Variants in RCHY1 observed in about 807,000 individuals in gnomAD.
The protein encoded by RCHY1 is ring finger and CHY zinc finger domain containing 1, also known as RING finger and CHY zinc finger domain-containing protein 1.
In RCHY1, 21 loss-of-function variants were observed where a neutral mutation model predicts 41.6. That is an observed-to-expected ratio of 0.51 (90% CI 0.36 to 0.73). The LOEUF is 0.73. RCHY1 is among the 30% of genes least tolerant of loss of function. The probability of loss-of-function intolerance (pLI) is 0.00; values close to 1 mark genes in which losing one functional copy is unlikely to be tolerated. For missense variants in RCHY1, 265 were observed against 325.3 expected (o/e 0.81, Z 1.43); for synonymous variants, 79 against 102.9 (o/e 0.77, Z 1.41).
At chr4:75,495,398 A>G (rs1723104882) in intron 3 of RCHY1, among the ~76,000 whole-genome samples, 1 of 152,114 alleles carries the variant, frequency 6.6e-6, no homozygotes, top group South Asian at 2.1e-4. Context: ...CTAAATTTCT[A>G]TTCTCCACTT....
At chr4:75,491,459 T>G in intron 7 of RCHY1, 152 bp downstream of exon 7, 1 of 632,746 alleles carries the variant, frequency 1.6e-6, no homozygotes, top group South Asian at 2.3e-5. Context: ...CACTTTGTCC[T>G]GTTTTAACAA....
At chr4:75,503,712 A>T in intron 3 of RCHY1, among the ~76,000 whole-genome samples, 1 of 152,254 alleles carries the variant, frequency 6.6e-6, no homozygotes, top group East Asian at 1.9e-4. Context: ...TAATTAAAAA[A>T]AAAAAGAAAA....
At chr4:75,486,840 G>A (rs1385161798) in intron 8 of RCHY1, among the ~76,000 whole-genome samples, 31 of 152,092 alleles carry the variant, frequency 2.0e-4, no homozygotes, top group East Asian at 5.8e-4. Context: ...TTAGCCAGGC[G>A]TAGTGGTGTG....
intron 8 of RCHY1, among the ~76,000 whole-genome samples, chr4:75,490,113 C>T (rs1392239542): frequency 6.6e-6 from 1 of 152,032 alleles, no homozygotes; most frequent in Non-Finnish European, 1.5e-5. Context: ...AAAAAGGGGT[C>T]TCCTGTGTGC....
rs758036503 is a variant in RCHY1, at chr4:75,491,878, T to G, written c.450+11A>C. The stretch of plus-strand genomic sequence containing the variant: ...CTGAGACTTCCAAAGTAAAAAATAT[T>G]TTAAGCCTACCTCCAAACATATTGG... On this transcript the variant is annotated intron_variant, in intron 5 of 8. Coordinates refer to ENST00000324439, the MANE Select transcript of RCHY1 (RefSeq NM_015436.4). The G allele has an allele frequency of 5.3e-5, 85 of 1,609,036 alleles. No individual in the cohort carries two copies. The highest frequency in any genetic ancestry group is 7.0e-5 in the Non-Finnish European group (82 of 1,177,920).
At chr4:75,488,261 CTTGTCAATCATGTCTT>C (rs141535565) in intron 8 of RCHY1, among the ~76,000 whole-genome samples, 12,019 of 152,006 alleles carry the variant, frequency 0.079, 661 homozygotes, top group South Asian at 0.15. Flanking sequence ...ACCAAATTTC[CTTGTCAATCATGTCTT>C]TAACTATAAC....
chr4:75,493,065 T>C (rs1209856698), intron 4 of RCHY1, among the ~76,000 whole-genome samples: 3 of 151,958 alleles, frequency 2.0e-5, no homozygotes, highest in Admixed American at 6.6e-5. Context: ...ACACATGCTT[T>C]GGAAACCAGA....
At chr4:75,509,091 C>A in intron 2 of RCHY1, 86 bp downstream of exon 2, 1 of 1,356,132 alleles carries the variant, frequency 7.4e-7, no homozygotes, top group Non-Finnish European at 1.0e-6. Flanking sequence ...TTAAAGAAAT[C>A]TTATTTATGA....
intron 1 of RCHY1, 152 bp downstream of exon 1, chr4:75,514,045 G>T: frequency 2.4e-6 from 3 of 1,237,810 alleles, no homozygotes; most frequent in Non-Finnish European, 3.3e-6. Flanking sequence ...TGCCAAAAAC[G>T]TTCTCCTCAA....
intron 1 of RCHY1, 140 bp downstream of exon 1, chr4:75,514,057 A>G (rs1334735243): frequency 7.4e-7 from 1 of 1,352,778 alleles, no homozygotes; most frequent in East Asian, 2.4e-5. Flanking sequence ...TCTCCTCAAG[A>G]AGAACCCAGT....
At chr4:75,490,853 C>G in intron 7 of RCHY1, 152 bp from the exon 8 acceptor site, 1 of 555,638 alleles carries the variant, frequency 1.8e-6, no homozygotes, top group Non-Finnish European at 3.1e-6. Context: ...TGGGAACTTT[C>G]ACACTATAAA....
chr4:75,513,737 A>G (rs1475054631), intron 1 of RCHY1, among the ~76,000 whole-genome samples: 1 of 152,204 alleles, frequency 6.6e-6, no homozygotes, highest in Non-Finnish European at 1.5e-5. Context: ...GTTTTCTCCT[A>G]CGTCTGAACA....
intron 8 of RCHY1, among the ~76,000 whole-genome samples, chr4:75,483,321 T>C (rs1356145944): frequency 2.6e-5 from 4 of 152,204 alleles, no homozygotes; most frequent in Admixed American, 6.5e-5. Context: ...AGTTTTTGAA[T>C]AGTCACACTA....
In RCHY1 at chr4:75,487,546, ATATT is replaced by A. The variant is rs1449197083; in HGVS notation, c.657+3031_657+3034del. The stretch of plus-strand genomic sequence containing the variant: ...TATTCATAATATATTCATAATATAT[ATATT>A]CATAATATATTCATAATATATATAT... On this transcript the variant is annotated intron_variant, in intron 8 of 8. Coordinates refer to ENST00000324439, the MANE Select transcript of RCHY1 (RefSeq NM_015436.4). Among the ~76,000 whole-genome samples the A allele has an allele frequency of 2.0e-4, 22 of 110,222 alleles. 1 individual carries two copies. The highest frequency in any genetic ancestry group is 3.2e-4 in the Non-Finnish European group (18 of 56,006). The allele number at this position is 110,222 out of a possible 152,430, so 72.3% of individuals were successfully genotyped here. A position where few individuals can be genotyped will look rare whatever the true frequency, so the allele number is the denominator to read the frequency against.
chr4:75,509,101 A>G (rs1451464290), intron 2 of RCHY1, 76 bp downstream of exon 2: 1 of 1,383,184 alleles, frequency 7.2e-7, no homozygotes, highest in African/African-American at 1.6e-5. Flanking sequence ...CTTATTTATG[A>G]TACTTTTGAT....
intron 3 of RCHY1, among the ~76,000 whole-genome samples, chr4:75,505,756 AAAAC>A (rs1232656116): frequency 2.6e-5 from 4 of 152,214 alleles, no homozygotes; most frequent in African/African-American, 4.8e-5. Context: ...CAATTTAAAG[AAAAC>A]AAACAAGCTG....
chr4:75,491,472 T>C, intron 7 of RCHY1, 139 bp downstream of exon 7: 1 of 686,786 alleles, frequency 1.5e-6, no homozygotes, highest in East Asian at 2.8e-5. Flanking sequence ...TTTAACAATA[T>C]TCATCTACCC....
chr4:75,489,014 GC>G (rs1478406772), intron 8 of RCHY1, among the ~76,000 whole-genome samples: 2 of 152,002 alleles, frequency 1.3e-5, no homozygotes. Context: ...GGCAGAGGTT[GC>G]AGTGAGCCGA....
chr4:75,484,374 C>T (rs1721805574), intron 8 of RCHY1, among the ~76,000 whole-genome samples: 1 of 152,134 alleles, frequency 6.6e-6, no homozygotes, highest in Non-Finnish European at 1.5e-5. Context: ...AAAAACTGGA[C>T]TGGGTCCAGG....
Sources: allele counts gnomAD v4.1 joint callset (sites outside exome capture counted in the v4.1 genomes callset), GRCh38; gene constraint gnomAD v4.1.1; transcripts MANE v1.5; gene names NCBI Gene and HGNC (gene_info 2026-07-23, HGNC 2026-07-21).